Variants in CDH18 observed in about 807,000 individuals in gnomAD.
The protein encoded by CDH18 is cadherin-18.
A neutral mutation model predicts 67.9 loss-of-function variants in CDH18; 31 were observed. The observed-to-expected ratio is 0.46, with a 90% CI of 0.34 to 0.62. The LOEUF (loss-of-function observed/expected upper bound fraction) is 0.62. CDH18 is among the 20% of genes least tolerant of loss of function. CDH18 has a pLI of 0.01. For missense variants in CDH18, 890 were observed against 975.5 expected, an observed-to-expected ratio of 0.91 and a Z score of 1.17; for synonymous variants, 362 against 347.2, an observed-to-expected ratio of 1.04 and a Z score of -0.48.
At chr5:19,820,198 C>G (rs1465905281) in intron 3 of CDH18, among the ~76,000 whole-genome samples, 1 of 152,122 alleles carries the variant, frequency 6.6e-6, no homozygotes, top group Non-Finnish European at 1.5e-5. Flanking sequence ...CTCCACAAAA[C>G]CAGACAAGAA....
Position 19,592,744 on chromosome 5 carries a change from C to T in CDH18, c.812-1500G>A, listed in dbSNP as rs148885001. ...ACAACACAGCCTTGCTATTCATAGA[C>T]ACAGTATTTTTCAGCAGATCTCTAG... On this transcript the variant is annotated intron_variant, in intron 6 of 12. Transcript: ENST00000382275. Among the ~76,000 whole-genome samples the T allele has an allele frequency of 4.3e-3, 650 of 152,208 alleles. 5 individuals carry two copies. Among genetic ancestry groups the T allele is most frequent in the Non-Finnish European group, 6.7e-3 (454 of 67,988 alleles).
intron 2 of CDH18, among the ~76,000 whole-genome samples, chr5:20,056,473 C>CTTTTTTTTTT (rs1561754004): frequency 1.5e-4 from 2 of 13,556 alleles, no homozygotes; most frequent in Admixed American, 8.9e-4. Context: ...TATTTTCTTT[C>CTTTTTTTTTT]TTTTGTTTTT....
chr5:20,423,666 C>T lies in CDH18; in HGVS notation c.-580+151796G>A, dbSNP rs886537064. ...GTAGAATCAAAAATTTTCCTAGAGG[C>T]CGGGCGCGGTGGCTCATGCCTGTAA... On this transcript the variant is annotated intron_variant, in intron 1 of 14. Coordinates refer to the CDH18 transcript ENST00000507958. 7.3e-5 allele frequency among the ~76,000 whole-genome samples: 11 copies of T among 150,880 alleles called. No individual in the cohort carries two copies. The South Asian group carries it at 1.2e-3, about 17-fold the overall frequency.
intron 3 of CDH18, among the ~76,000 whole-genome samples, chr5:19,748,269 C>T (rs1449658387): frequency 6.6e-6 from 1 of 151,510 alleles, no homozygotes; most frequent in African/African-American, 2.4e-5. Context: ...AACAAATCTA[C>T]ACTTACTAAA....
At chr5:19,512,958 C>T (rs950713564) in intron 10 of CDH18, among the ~76,000 whole-genome samples, 2 of 152,012 alleles carry the variant, frequency 1.3e-5, no homozygotes, top group African/African-American at 4.8e-5. Flanking sequence ...TCTTGAATAC[C>T]TTTTACAATT....
chr5:19,667,332 T>C (rs1041774896), intron 5 of CDH18, among the ~76,000 whole-genome samples: 1 of 151,454 alleles, frequency 6.6e-6, no homozygotes, highest in African/African-American at 2.4e-5. Flanking sequence ...TCATAGTCAA[T>C]ATTAACTTTT....
chr5:20,296,557 G>A (rs936188939), intron 1 of CDH18, among the ~76,000 whole-genome samples: 6 of 151,960 alleles, frequency 3.9e-5, no homozygotes, highest in African/African-American at 7.2e-5. Context: ...CACCGCCCCC[G>A]GCCCACTAAG....
In CDH18 at chr5:19,951,103, T is replaced by C. The variant is rs150777802; in HGVS notation, c.-257+29957A>G. ...CAACTTCAGTGTCAGTTCCATTCAA[T>C]TGGCTGTGGCAGACATGAGCACAGA... On this transcript the variant is annotated intron_variant, in intron 2 of 12. Transcript: ENST00000382275. 2.1e-3 allele frequency among the ~76,000 whole-genome samples: 316 copies of C among 152,222 alleles called. 2 individuals are homozygous for C. Among genetic ancestry groups the C allele is most frequent in the African/African-American group, 7.1e-3 (296 of 41,546 alleles).
At chr5:19,509,246 C>A (rs562708292) in intron 10 of CDH18, among the ~76,000 whole-genome samples, 1 of 151,730 alleles carries the variant, frequency 6.6e-6, no homozygotes, top group African/African-American at 2.4e-5. Context: ...ACAATGGGGA[C>A]AAAGGAACAT....
chr5:20,144,732 G>A (rs538683846), intron 2 of CDH18, among the ~76,000 whole-genome samples: 2 of 152,112 alleles, frequency 1.3e-5, no homozygotes, highest in Non-Finnish European at 2.9e-5. Flanking sequence ...TAAAGTCAAC[G>A]CCAGTAAGTC....
chr5:19,592,379 T>G (rs1293227720), intron 6 of CDH18, among the ~76,000 whole-genome samples: 1 of 152,036 alleles, frequency 6.6e-6, no homozygotes, highest in Admixed American at 6.6e-5. Context: ...AATAATTATT[T>G]TATTGACAAG....
chr5:19,520,621 C>T (rs778633066), intron 10 of CDH18, 36 bp downstream of exon 10: 17 of 1,576,558 alleles, frequency 1.1e-5, no homozygotes, highest in African/African-American at 2.8e-5. Flanking sequence ...TGCATTTATT[C>T]CATTCAAATG....
At chr5:19,641,070 A>T (rs928756438) in intron 5 of CDH18, among the ~76,000 whole-genome samples, 4 of 151,764 alleles carry the variant, frequency 2.6e-5, no homozygotes, top group African/African-American at 9.7e-5. Flanking sequence ...ATTATAGGCC[A>T]GCAAACTGGA....
chr5:20,277,685 A>T (rs1034505177), intron 1 of CDH18, among the ~76,000 whole-genome samples: 1 of 152,202 alleles, frequency 6.6e-6, no homozygotes, highest in Non-Finnish European at 1.5e-5. Context: ...CAAGGGACCG[A>T]TCCTGAAGAG....
chr5:20,146,690 T>C (rs1187111719), intron 2 of CDH18, among the ~76,000 whole-genome samples: 1 of 150,838 alleles, frequency 6.6e-6, no homozygotes, highest in Non-Finnish European at 1.5e-5. Flanking sequence ...CAAACAAAAA[T>C]ATTATCAAGT....
chr5:20,505,589 A>T (rs1271777789), intron 1 of CDH18, among the ~76,000 whole-genome samples: 1 of 152,170 alleles, frequency 6.6e-6, no homozygotes, highest in African/African-American at 2.4e-5. Context: ...TATATTCACA[A>T]CTTATTTAAA....
At chr5:20,206,831 T>G (rs2126344622) in intron 2 of CDH18, among the ~76,000 whole-genome samples, 1 of 152,130 alleles carries the variant, frequency 6.6e-6, no homozygotes, top group South Asian at 2.1e-4. Flanking sequence ...AAAAACTTGG[T>G]GTAGAAGGAG....
intron 5 of CDH18, among the ~76,000 whole-genome samples, chr5:19,681,803 A>T (rs1235489406): frequency 1.3e-5 from 2 of 151,766 alleles, no homozygotes; most frequent in African/African-American, 2.4e-5. Context: ...CCTTTACCTC[A>T]ATTATTTGTC....
intron 5 of CDH18, among the ~76,000 whole-genome samples, chr5:19,621,911 G>T (rs1414134381): frequency 1.3e-5 from 2 of 152,120 alleles, no homozygotes; most frequent in Non-Finnish European, 2.9e-5. Context: ...TATTTTTTGT[G>T]CTCTTAGTCA....
Sources: allele counts gnomAD v4.1 joint callset (sites outside exome capture counted in the v4.1 genomes callset), GRCh38; gene constraint gnomAD v4.1.1; transcripts MANE v1.5; gene names NCBI Gene and HGNC (gene_info 2026-07-23, HGNC 2026-07-21).